Variants in FREM3 observed in about 807,000 individuals in gnomAD.
The protein encoded by FREM3 is FRAS1-related extracellular matrix protein 3.
Under a neutral mutation model 129.1 loss-of-function variants are expected in FREM3, and 105 were observed. That is an observed-to-expected ratio of 0.81 (90% CI 0.69 to 0.96). The LOEUF (loss-of-function observed/expected upper bound fraction) is 0.96. FREM3 is among the 40% of genes least tolerant of loss of function. FREM3 has a pLI of 0.00. For missense variants in FREM3, 2,593 were observed against 2,666.3 expected (o/e 0.97, Z 0.61); for synonymous variants, 1,014 against 1,044.9 (o/e 0.97, Z 0.57).
At position 143,696,894 on chromosome 4, in the gene FREM3, T is replaced by C. The variant is rs2149864429; in HGVS notation, c.3782A>G (p.Gln1261Arg). The change falls in exon 1 of 8, where the codon CAG becomes CGG. Residue 1261 changes from glutamine to arginine, a missense_variant. By Grantham distance (43) the Gln-to-Arg change is conservative. This residue lies in a region of FREM3 where 2,276 missense variants were observed against 2,267.2 expected (regional missense o/e 1.00). Transcript: ENST00000329798. ...PIHSFTLKEI[Q>R]EASTIVYEHD... ...CTCATACACAATGGTGGAGGCCTCCTGGATCTCCTTGAGGGTGAAGCTGTG... is the reference window on the plus strand; with the variant it reads ...CTCATACACAATGGTGGAGGCCTCCCGGATCTCCTTGAGGGTGAAGCTGTG... 1 of 1,537,686 alleles carries C rather than the reference T, an allele frequency of 6.5e-7. No individual in the cohort carries two copies. The highest frequency in any genetic ancestry group is 8.7e-7 in the Non-Finnish European group (1 of 1,147,008).
At chr4:143,614,664 A>T (rs1738814673) in intron 5 of FREM3, among the ~76,000 whole-genome samples, 1 of 152,246 alleles carries the variant, frequency 6.6e-6, no homozygotes, top group Non-Finnish European at 1.5e-5. Context: ...TTAGTTCTCC[A>T]AAATTAAGGG....
intron 3 of FREM3, 58 bp from the exon 4 acceptor site, chr4:143,624,396 C>T: frequency 2.8e-6 from 3 of 1,056,884 alleles, no homozygotes; most frequent in Non-Finnish European, 4.1e-6. Context: ...GCATAGTCTC[C>T]TTTCAAAGTG....
intron 4 of FREM3, 40 bp downstream of exon 4, chr4:143,624,068 C>A (rs1413624842): frequency 1.7e-6 from 2 of 1,190,122 alleles, no homozygotes; most frequent in Admixed American, 2.0e-5. Flanking sequence ...AGCCAAGAAC[C>A]TGTACTGGTT....
At chr4:143,678,813 G>A (rs1033254082) in intron 2 of FREM3, among the ~76,000 whole-genome samples, 6 of 152,008 alleles carry the variant, frequency 3.9e-5, no homozygotes, top group Admixed American at 2.6e-4. Flanking sequence ...TGTTTAAAAA[G>A]AATAAGGCAG....
Position 143,699,126 on chromosome 4 carries a change from A to G in FREM3, c.1550T>C (p.Ile517Thr), listed in dbSNP as rs1740640102. ...HDGSNTYSDN[I>T]IFRMEDGHHQ... Reference sequence around the variant, plus strand: ...GTGCCCGTCCTCCATCCGGAAGATGATATTGTCACTGTAGGTGTTGCTGCC... The same window carrying G: ...GTGCCCGTCCTCCATCCGGAAGATGGTATTGTCACTGTAGGTGTTGCTGCC... Residue 517 changes from isoleucine (I) to threonine (T), a missense_variant, in exon 1 of 8, where the codon ATC becomes ACC. This residue lies in a region of FREM3 where 2,276 missense variants were observed against 2,267.2 expected (regional missense o/e 1.00). Transcript: ENST00000329798. This position sits in a 1 kb window ranked among gnomAD's most constrained non-coding sequence, Gnocchi z 4.2. The G allele has an allele frequency of 2.0e-6, 3 of 1,537,404 alleles. No individual in the cohort carries two copies. The highest frequency in any genetic ancestry group is 2.4e-5 in the South Asian group (2 of 84,052).
At chr4:143,691,977 G>C (rs1440124201) in intron 2 of FREM3, among the ~76,000 whole-genome samples, 1 of 152,158 alleles carries the variant, frequency 6.6e-6, no homozygotes. Context: ...AGGGAAGGAA[G>C]ATTTGATTTT....
In FREM3 at chr4:143,585,946, C is replaced by A; in HGVS notation, c.6076G>T (p.Ala2026Ser). Residue 2026 changes from alanine to serine, a missense_variant, in exon 7 of 8, where the codon GCT becomes TCT. Coordinates refer to ENST00000329798, the MANE Select transcript of FREM3 (RefSeq NM_001168235.2). The surrounding 1 kb of genome is among the most constrained non-coding windows in gnomAD (Gnocchi z 4.2). ...GDAEYHVNES[A>S]RYVEVCVWRR... ...CAAACACAAACCTCCACGTAGCGAG[C>A]ACTTTCATTGACGTGATATTCAGCA... 6.5e-7 allele frequency: 1 copy of A among 1,537,642 alleles called. No individual in the cohort carries two copies. The highest frequency in any genetic ancestry group is 8.7e-7 in the Non-Finnish European group (1 of 1,147,006).
rs562409470 is a variant in FREM3, at chr4:143,683,686, A to G, written c.5275+9427T>C. On this transcript the variant is annotated intron_variant, in intron 2 of 7. Transcript: ENST00000329798. ...TGGCCAGAACCCGGGGAGGGAGCAA[A>G]TCCAGTGAGCAGAACTCCACAGGCA... Among the ~76,000 whole-genome samples the G allele has an allele frequency of 1.3e-4, 20 of 152,282 alleles. No individual in the cohort carries two copies. In the South Asian group the frequency reaches 3.9e-3, roughly 30 times the overall value.
rs1426167641 is a variant in FREM3, at chr4:143,698,752, C to G, written c.1924G>C (p.Val642Leu). ...ATGTCTCTCTGTAGCCACTCAGTCA[C>G]CACTTTCTCATAAAGCCCTTCCTTT... ...MEKEGLYEKV[V>L]TEWLQRDIME... Residue 642 changes from valine to leucine, a missense_variant, in exon 1 of 8, where the codon GTG becomes CTG. Val to Leu is a conservative substitution (Grantham distance 32). Coordinates refer to ENST00000329798, the MANE Select transcript of FREM3 (RefSeq NM_001168235.2). 6.5e-7 allele frequency: 1 copy of G among 1,537,494 alleles called. No homozygotes were observed. Among genetic ancestry groups the G allele is most frequent in the Non-Finnish European group, 8.7e-7 (1 of 1,146,992 alleles).
intron 2 of FREM3, among the ~76,000 whole-genome samples, chr4:143,665,158 C>T (rs1005716991): frequency 6.6e-6 from 1 of 152,104 alleles, no homozygotes; most frequent in East Asian, 1.9e-4. Context: ...GATGGAAATG[C>T]AGAAATCACC....
At chr4:143,583,662 A>T (rs559017588) in intron 7 of FREM3, among the ~76,000 whole-genome samples, 10 of 144,226 alleles carry the variant, frequency 6.9e-5, no homozygotes, top group African/African-American at 1.5e-4. Flanking sequence ...AAGCATTATT[A>T]AAAAAAAAAA....
chr4:143,674,712 G>C (rs1197627648), intron 2 of FREM3, among the ~76,000 whole-genome samples: 1 of 151,520 alleles, frequency 6.6e-6, no homozygotes, highest in Non-Finnish European at 1.5e-5. Flanking sequence ...CCAAGCAAAT[G>C]GAAAACAAAA....
At chr4:143,627,524 C>T in intron 3 of FREM3, 90 bp downstream of exon 3, 1 of 1,122,168 alleles carries the variant, frequency 8.9e-7, no homozygotes. Flanking sequence ...GTTCTTTATT[C>T]TCTTTCAGTA....
At chr4:143,577,928 C>T (rs1383883612) in intron 7 of FREM3, 76 bp from the exon 8 acceptor site, 2 of 1,418,534 alleles carry the variant, frequency 1.4e-6, no homozygotes, top group Non-Finnish European at 1.9e-6. Flanking sequence ...AATGAGAGCT[C>T]TCACCAACTC....
At chr4:143,596,909 G>C (rs1738493826) in intron 6 of FREM3, among the ~76,000 whole-genome samples, 1 of 152,154 alleles carries the variant, frequency 6.6e-6, no homozygotes, top group African/African-American at 2.4e-5. Context: ...TTGCACAGCA[G>C]TCTGAGGAAA....
intron 2 of FREM3, among the ~76,000 whole-genome samples, chr4:143,677,705 C>G (rs2149858165): frequency 6.6e-6 from 1 of 152,290 alleles, no homozygotes; most frequent in East Asian, 1.9e-4. Context: ...AAGAAAACAA[C>G]AACCCCATCA....
Position 143,696,091 on chromosome 4 carries a change from A to G in FREM3, c.4585T>C (p.Phe1529Leu). ...LYPVFRTFRI[F>L]ITDVDNKKPI... ...TTCTTATTATCCACATCAGTGATGAAGATCCTGAAGGTTCTGAACACAGGG... is the reference window on the plus strand; with the variant it reads ...TTCTTATTATCCACATCAGTGATGAGGATCCTGAAGGTTCTGAACACAGGG... Residue 1529 changes from phenylalanine to leucine, a missense_variant, in exon 1 of 8, where the codon TTC becomes CTC. Physicochemically the swap from Phe to Leu is conservative, Grantham distance 22. This residue lies in a region of FREM3 where 2,276 missense variants were observed against 2,267.2 expected (regional missense o/e 1.00). Coordinates refer to ENST00000329798, the MANE Select transcript of FREM3 (RefSeq NM_001168235.2). 3 of 1,537,524 alleles carry G rather than the reference A, an allele frequency of 2.0e-6. No individual in the cohort carries two copies. Among genetic ancestry groups the G allele is most frequent in the Non-Finnish European group, 2.6e-6 (3 of 1,146,962 alleles).
At chr4:143,620,087 A>C (rs1274131429) in intron 5 of FREM3, among the ~76,000 whole-genome samples, 1 of 152,174 alleles carries the variant, frequency 6.6e-6, no homozygotes, top group Non-Finnish European at 1.5e-5. Flanking sequence ...AGCAATCAGC[A>C]ATCAAATGGT....
In FREM3 at chr4:143,696,756, G is replaced by A. The variant is rs780238930; in HGVS notation, c.3920C>T (p.Pro1307Leu). Residue 1307 changes from proline (P) to leucine (L), a missense_variant, in exon 1 of 8, where the codon CCT becomes CTT. Coordinates refer to ENST00000329798, the MANE Select transcript of FREM3 (RefSeq NM_001168235.2). ...IVVTLVDDET[P>L]HLTVNNGLKV... ...CAGCCCATTGTTGACAGTCAGGTGA[G>A]GAGTTTCATCATCCACTAGGGTCAC... 4.2e-4 allele frequency: 646 copies of A among 1,537,870 alleles called. 1 individual carries two copies. The highest frequency in any genetic ancestry group is 5.3e-4 in the Non-Finnish European group (606 of 1,147,054).
Sources: allele counts gnomAD v4.1 joint callset (sites outside exome capture counted in the v4.1 genomes callset), GRCh38; gene constraint gnomAD v4.1.1; regional missense constraint gnomAD v4.1.1; non-coding constraint Gnocchi (gnomAD v3.1); transcripts MANE v1.5; gene names NCBI Gene and HGNC (gene_info 2026-07-23, HGNC 2026-07-21).